The following KPNA6 variants were observed in gnomAD, a reference collection of about 807,000 sequenced individuals.
The protein encoded by KPNA6 is importin subunit alpha-7.
A neutral mutation model predicts 72.0 loss-of-function variants in KPNA6; 9 were observed. That is an observed-to-expected ratio of 0.13 (90% CI 0.08 to 0.22). KPNA6 has a LOEUF of 0.22. KPNA6 is among the 10% of genes least tolerant of loss of function. The pLI is 1.00. For missense variants in KPNA6, 374 were observed against 655.7 expected (o/e 0.57, Z 4.69); for synonymous variants, 219 against 242.1 (o/e 0.90, Z 0.89).
rs1007002507 is a variant in KPNA6, at chr1:32,175,087, C to T, written c.*4193C>T. ...TCATTATCTGTCCTCTAGCCCCACA[C>T]CCTGATTTAGACCGTGGCAAAGGAA... On this transcript the variant is annotated 3_prime_UTR_variant, in exon 14 of 14. Coordinates refer to ENST00000373625, the MANE Select transcript of KPNA6 (RefSeq NM_012316.5). 6.6e-6 allele frequency: 1 copy of T among 152,176 alleles called. No homozygotes were observed. The highest frequency in any genetic ancestry group is 1.5e-5 in the Non-Finnish European group (1 of 68,052). The allele number at this position is 152,176 out of a possible 1,614,324, so 9.4% of individuals were successfully genotyped here.
rs1043499255 is a variant in KPNA6, at chr1:32,157,055, C to T, written c.231+110C>T. On this transcript the variant is annotated intron_variant, in intron 3 of 13. Coordinates refer to ENST00000373625, the MANE Select transcript of KPNA6 (RefSeq NM_012316.5). ...GCTTTGCCAGTAACCATGACAAGTT[C>T]TTTCCTCTGTGGACCCTTTCGTCAG... The T allele has an allele frequency of 3.9e-6, 3 of 766,168 alleles. No homozygotes were observed. The Admixed American group carries it at 7.5e-5, about 19-fold the overall frequency. The allele number at this position is 766,168 out of a possible 1,614,324, so 47.5% of individuals were successfully genotyped here.
At chr1:32,124,963 G>A (rs940300001) in intron 1 of KPNA6, among the ~76,000 whole-genome samples, 3 of 151,994 alleles carry the variant, frequency 2.0e-5, no homozygotes, top group Non-Finnish European at 4.4e-5. Flanking sequence ...TCCTGCCTCA[G>A]CCTCCTGAGT....
intron 9 of KPNA6, among the ~76,000 whole-genome samples, chr1:32,162,876 G>A (rs1231936261): frequency 6.6e-6 from 1 of 150,584 alleles, no homozygotes; most frequent in Admixed American, 6.7e-5. Flanking sequence ...AGGCTGAGGC[G>A]GGTGGATCAC....
chr1:32,170,574 C>T (rs1359383559), intron 13 of KPNA6, 133 bp from the exon 14 acceptor site: 1 of 713,080 alleles, frequency 1.4e-6, no homozygotes, highest in African/African-American at 1.8e-5. Flanking sequence ...CCTTTCAGGT[C>T]CAAGAGTGAT....
chr1:32,121,925 A>T (rs1005621409), intron 1 of KPNA6, among the ~76,000 whole-genome samples: 1 of 152,026 alleles, frequency 6.6e-6, no homozygotes, highest in South Asian at 2.1e-4. Flanking sequence ...GTGAACTGAG[A>T]TCGTGCCACT....
rs375276874 is a variant in KPNA6, at chr1:32,156,833, C to A, written c.139-20C>A. The A allele has an allele frequency of 3.2e-6, 5 of 1,585,452 alleles. No homozygotes were observed. The highest frequency in any genetic ancestry group is 4.3e-6 in the Non-Finnish European group (5 of 1,154,464). ...CTTTGGTTCAGAGAGTACTCTTAAC[C>A]ACTGTCTCTTTACTTTCAGCTTTTT... On this transcript the variant is annotated intron_variant, in intron 2 of 13. Transcript: ENST00000373625.
chr1:32,134,865 A>G (rs1463653636), intron 1 of KPNA6, among the ~76,000 whole-genome samples: 2 of 151,680 alleles, frequency 1.3e-5, no homozygotes, highest in African/African-American at 2.4e-5. Context: ...GCTAAAGAGT[A>G]ATAGGGTTTC....
intron 1 of KPNA6, among the ~76,000 whole-genome samples, chr1:32,140,170 G>A (rs1045173809): frequency 6.6e-6 from 1 of 152,122 alleles, no homozygotes; most frequent in African/African-American, 2.4e-5. Flanking sequence ...GGATCACAAG[G>A]TCAGGAGTTC....
Position 32,170,898 on chromosome 1 carries a change from C to A in KPNA6, c.*4C>A. The A allele has an allele frequency of 6.2e-7, 1 of 1,613,662 alleles. No individual in the cohort carries two copies. Among genetic ancestry groups the A allele is most frequent in the South Asian group, 1.1e-5 (1 of 91,076 alleles). On this transcript the variant is annotated 3_prime_UTR_variant, in exon 14 of 14. Coordinates refer to ENST00000373625, the MANE Select transcript of KPNA6 (RefSeq NM_012316.5). ...CATGGAGGGCTTCCAGCTATAATAT[C>A]TGCCTCCAGGGAGGGGAGGGGATGG...
intron 1 of KPNA6, among the ~76,000 whole-genome samples, chr1:32,133,736 A>G (rs1641682711): frequency 6.6e-6 from 1 of 152,108 alleles, no homozygotes; most frequent in Admixed American, 6.6e-5. Context: ...CCGTCAAGCA[A>G]GAATTCTATA....
At chr1:32,168,768 T>G (rs747832274) in intron 12 of KPNA6, among the ~76,000 whole-genome samples, 1 of 152,102 alleles carries the variant, frequency 6.6e-6, no homozygotes, top group Non-Finnish European at 1.5e-5. Flanking sequence ...AAGGGAATAA[T>G]GGGAGGCAGA....
intron 6 of KPNA6, among the ~76,000 whole-genome samples, 160 bp from the exon 7 acceptor site, chr1:32,160,455 A>G (rs1397608262): frequency 6.6e-6 from 1 of 152,220 alleles, no homozygotes; most frequent in Admixed American, 6.5e-5. Flanking sequence ...ACAAGTGCTC[A>G]GTAAGAATTT....
At chr1:32,123,439 G>A (rs1002702015) in intron 1 of KPNA6, among the ~76,000 whole-genome samples, 50 of 151,938 alleles carry the variant, frequency 3.3e-4, no homozygotes, top group African/African-American at 1.1e-3. Flanking sequence ...TTCAATGCAT[G>A]GTTAAGAAAG....
intron 1 of KPNA6, among the ~76,000 whole-genome samples, chr1:32,137,415 C>G (rs1641753844): frequency 6.6e-6 from 1 of 152,114 alleles, no homozygotes; most frequent in Admixed American, 6.6e-5. Flanking sequence ...TCAGGTGATC[C>G]TCCCACCTTG....
chr1:32,170,010 G>A lies in KPNA6; in HGVS notation c.1373G>A (p.Arg458His), dbSNP rs142180334. The A allele has an allele frequency of 1.9e-4, 314 of 1,614,146 alleles. 2 individuals carry two copies. In the East Asian group the frequency reaches 6.1e-3, roughly 31 times the overall value. ...ILRLGEQEGKRSGSGVNPYCG... is the reference protein window; with the variant it reads ...ILRLGEQEGKHSGSGVNPYCG... ...CGGCTTGGAGAGCAAGAGGGCAAGCGCAGTGGCTCAGGGGTCAATCCTTAT... is the reference window on the plus strand; with the variant it reads ...CGGCTTGGAGAGCAAGAGGGCAAGCACAGTGGCTCAGGGGTCAATCCTTAT... The change falls in exon 13 of 14, where the codon CGC becomes CAC. Residue 458 changes from arginine to histidine, a missense_variant. Physicochemically the swap from Arg to His is conservative, Grantham distance 29. This residue lies in a region of KPNA6 where 34 missense variants were observed against 110.5 expected (regional missense o/e 0.31). Coordinates refer to ENST00000373625, the MANE Select transcript of KPNA6 (RefSeq NM_012316.5).
chr1:32,156,886 G>A lies in KPNA6; in HGVS notation c.172G>A (p.Glu58Lys). ...FKRRNVELIN[E>K]EAAMFDSLLM... Reference sequence around the variant, plus strand: ...ACGGAGAAATGTGGAGCTGATTAATGAAGAAGCTGCCATGTTCGATAGTCT... The same window carrying A: ...ACGGAGAAATGTGGAGCTGATTAATAAAGAAGCTGCCATGTTCGATAGTCT... The change falls in exon 3 of 14, where the codon GAA becomes AAA. Residue 58 changes from glutamate (E) to lysine (K), a missense_variant. Coordinates refer to ENST00000373625, the MANE Select transcript of KPNA6 (RefSeq NM_012316.5). 6.2e-7 allele frequency: 1 copy of A among 1,614,114 alleles called. No homozygotes were observed. Among genetic ancestry groups the A allele is most frequent in the Non-Finnish European group, 8.5e-7 (1 of 1,179,988 alleles).
Position 32,166,146 on chromosome 1 carries a change from G to A in KPNA6, c.1032G>A (p.Leu344=), listed in dbSNP as rs1223020134. Residue 344 remains leucine, a synonymous_variant, in exon 11 of 14, where the codon TTG becomes TTA. Transcript: ENST00000373625. ...NCSALPCLLH[L]LSSPKESIRK... ...CAGCCCTACCTTGCCTTCTCCACTT[G>A]TTGAGCAGTCCCAAGGAGTCAATCC... 4 of 1,614,086 alleles carry A rather than the reference G, an allele frequency of 2.5e-6. No homozygotes were observed. Among genetic ancestry groups the A allele is most frequent in the African/African-American group, 1.3e-5 (1 of 75,014 alleles).
At chr1:32,162,997 G>A (rs1335042898) in intron 9 of KPNA6, among the ~76,000 whole-genome samples, 3 of 151,568 alleles carry the variant, frequency 2.0e-5, no homozygotes, top group Non-Finnish European at 2.9e-5. Flanking sequence ...CCAGCTACTC[G>A]GGAGGCTGAG....
At chr1:32,118,555 G>A (rs1641366838) in intron 1 of KPNA6, among the ~76,000 whole-genome samples, 1 of 151,972 alleles carries the variant, frequency 6.6e-6, no homozygotes, top group Non-Finnish European at 1.5e-5. Flanking sequence ...AGCACTTTGG[G>A]AGGCTCAGGA....
Sources: gnomAD v4.1 joint callset for allele counts (sites outside exome capture counted in the v4.1 genomes callset) on GRCh38, gnomAD v4.1.1 for gene constraint, gnomAD v4.1.1 regional missense constraint, MANE v1.5 for transcripts, NCBI Gene and HGNC (gene_info 2026-07-23, HGNC 2026-07-21) for gene names.